GRID2: variants seen among roughly 807,000 people sequenced by gnomAD.
GRID2 encodes the protein glutamate receptor ionotropic, delta-2.
GRID2 carries 33 observed loss-of-function variants against 114.8 expected under a neutral mutation model. That is an observed-to-expected ratio of 0.29 (90% CI 0.22 to 0.38). The LOEUF (loss-of-function observed/expected upper bound fraction) is 0.38, where lower values mean the gene tolerates loss of function less well. Among genes scored for constraint, GRID2 ranks in the 10% least tolerant of loss-of-function variants. GRID2 has a pLI of 1.00. For missense variants in GRID2, 1,184 were observed against 1,257.7 expected (o/e 0.94, Z 0.89); for synonymous variants, 505 against 449.9 (o/e 1.12, Z -1.55).
intron 2 of GRID2, among the ~76,000 whole-genome samples, chr4:92,683,405 G>C (rs1042913442): frequency 6.6e-6 from 1 of 152,032 alleles, no homozygotes; most frequent in East Asian, 1.9e-4. Context: ...CTAGACAGAA[G>C]TGCACAATCT....
intron 2 of GRID2, among the ~76,000 whole-genome samples, chr4:93,021,708 T>C (rs1219435159): frequency 2.1e-5 from 3 of 143,132 alleles, no homozygotes; most frequent in African/African-American, 7.9e-5. Context: ...TTATGAATAT[T>C]ATAATTATTT....
intron 2 of GRID2, among the ~76,000 whole-genome samples, chr4:93,078,340 C>T (rs981169906): frequency 3.3e-5 from 5 of 152,038 alleles, no homozygotes; most frequent in East Asian, 3.9e-4. Flanking sequence ...CATAGAATAA[C>T]GTTCTCTTTT....
chr4:92,955,451 T>G (rs1405825100), intron 2 of GRID2, among the ~76,000 whole-genome samples: 12 of 152,244 alleles, frequency 7.9e-5, no homozygotes, highest in South Asian at 2.1e-4. Flanking sequence ...TTGCCCACTT[T>G]TTGATGGCGT....
chr4:92,685,722 G>A (rs955280405), intron 2 of GRID2, among the ~76,000 whole-genome samples: 1 of 151,918 alleles, frequency 6.6e-6, no homozygotes, highest in Non-Finnish European at 1.5e-5. Flanking sequence ...CCTAAAGAAT[G>A]ATGGGAGTGA....
chr4:93,540,646 A>G (rs1560731297), intron 13 of GRID2, among the ~76,000 whole-genome samples: 2 of 152,158 alleles, frequency 1.3e-5, no homozygotes, highest in Admixed American at 1.3e-4. Context: ...TTAATTTTGC[A>G]TTCCAGAGAG....
chr4:92,429,264 G>C (rs1395839365), intron 1 of GRID2, among the ~76,000 whole-genome samples: 1 of 152,072 alleles, frequency 6.6e-6, no homozygotes, highest in African/African-American at 2.4e-5. Flanking sequence ...CAATATCCCA[G>C]CCTCTTGTAA....
chr4:93,476,578 A>G (rs1217566581), intron 11 of GRID2, among the ~76,000 whole-genome samples: 2 of 152,172 alleles, frequency 1.3e-5, no homozygotes, highest in African/African-American at 4.8e-5. Flanking sequence ...AAACCAGGAA[A>G]GAAAGAATGA....
chr4:93,313,473 T>C (rs1188365305), intron 8 of GRID2, among the ~76,000 whole-genome samples: 1 of 152,206 alleles, frequency 6.6e-6, no homozygotes, highest in East Asian at 1.9e-4. Context: ...TAGTGCCTTC[T>C]GGGTTCTAAA....
chr4:93,738,170 T>C (rs1368617151), intron 14 of GRID2, among the ~76,000 whole-genome samples: 3 of 152,132 alleles, frequency 2.0e-5, no homozygotes, highest in Admixed American at 2.0e-4. Context: ...TGGAAGAGAT[T>C]GGCAAACCCA....
At chr4:92,624,512 T>C (rs989500003) in intron 2 of GRID2, among the ~76,000 whole-genome samples, 14 of 151,876 alleles carry the variant, frequency 9.2e-5, no homozygotes, top group African/African-American at 3.4e-4. Context: ...TATCTCTTGA[T>C]GGAATGCTCG....
intron 8 of GRID2, among the ~76,000 whole-genome samples, chr4:93,244,060 AAT>A (rs1472927811): frequency 4.6e-5 from 7 of 152,076 alleles, no homozygotes; most frequent in Admixed American, 1.3e-4. Flanking sequence ...TTAAGGAATC[AAT>A]ATATGTTTTT....
rs150468956 is a variant in GRID2 at position 92,920,213 on chromosome 4, C to T, written c.245-164782C>T. ...TCCATTTGCTTGGTAGATCTTCCTCCATCCCTTTATTTTGAGCCTGTGTGT... is the reference window on the plus strand; with the variant it reads ...TCCATTTGCTTGGTAGATCTTCCTCTATCCCTTTATTTTGAGCCTGTGTGT... On this transcript the variant is annotated intron_variant, in intron 2 of 15. Transcript: ENST00000282020. 9.6e-3 allele frequency among the ~76,000 whole-genome samples: 1,454 copies of T among 152,234 alleles called. 22 individuals are homozygous for T. Among genetic ancestry groups the T allele is most frequent in the African/African-American group, 0.033 (1,368 of 41,534 alleles).
At chr4:92,843,065 C>G (rs1353072688) in intron 2 of GRID2, among the ~76,000 whole-genome samples, 1 of 151,684 alleles carries the variant, frequency 6.6e-6, no homozygotes, top group African/African-American at 2.4e-5. Context: ...ATAATAAGAC[C>G]CCATATATAC....
chr4:92,946,931 C>T (rs973779898), intron 2 of GRID2, among the ~76,000 whole-genome samples: 1 of 152,000 alleles, frequency 6.6e-6, no homozygotes, highest in Admixed American at 6.6e-5. Context: ...GCCTGGAGAA[C>T]CACTATTCCA....
At chr4:93,517,327 GA>G (rs1729830874) in intron 13 of GRID2, among the ~76,000 whole-genome samples, 1 of 152,028 alleles carries the variant, frequency 6.6e-6, no homozygotes, top group Non-Finnish European at 1.5e-5. Context: ...AAAAGAGGTA[GA>G]TAATAATTTC....
chr4:93,563,365 T>C (rs759933105), intron 13 of GRID2, among the ~76,000 whole-genome samples: 1 of 151,990 alleles, frequency 6.6e-6, no homozygotes, highest in Non-Finnish European at 1.5e-5. Flanking sequence ...CATGTTTCTT[T>C]CTGTTGAACG....
At chr4:93,072,348 A>G (rs910071139) in intron 2 of GRID2, among the ~76,000 whole-genome samples, 2 of 152,204 alleles carry the variant, frequency 1.3e-5, no homozygotes, top group Non-Finnish European at 2.9e-5. Context: ...AGGAAGAATC[A>G]CTTGCAATTT....
rs1291124039 is a variant in GRID2, at chr4:92,928,989, T to C, written c.245-156006T>C. On this transcript the variant is annotated intron_variant, in intron 2 of 15. Transcript: ENST00000282020. ...CCCAAATGAAGCCCAAATTAAACTG[T>C]TCTAAGTAGGCATTGAATTCAACAT... is the stretch of plus-strand genomic sequence containing the variant. 3.3e-5 allele frequency among the ~76,000 whole-genome samples: 5 copies of C among 151,542 alleles called. No homozygotes were observed. In the East Asian group the frequency reaches 9.6e-4, roughly 29 times the overall value.
intron 8 of GRID2, among the ~76,000 whole-genome samples, chr4:93,376,323 C>A (rs1392354373): frequency 1.3e-5 from 2 of 151,866 alleles, no homozygotes; most frequent in African/African-American, 4.8e-5. Flanking sequence ...AAATTATTGA[C>A]AAATATTAAG....
Sources: allele counts gnomAD v4.1 joint callset (sites outside exome capture counted in the v4.1 genomes callset), GRCh38; gene constraint gnomAD v4.1.1; transcripts MANE v1.5; gene names NCBI Gene and HGNC (gene_info 2026-07-23, HGNC 2026-07-21).